RGCC: variants seen among roughly 807,000 people sequenced by gnomAD.
RGCC encodes the protein regulator of cell cycle RGCC.
A neutral mutation model predicts 15.4 loss-of-function variants in RGCC; 15 were observed. The observed-to-expected ratio is 0.97, with a 90% CI of 0.65 to 1.50. RGCC has a LOEUF of 1.50. Among genes scored for constraint, RGCC ranks in the 40% most tolerant of loss-of-function variants. RGCC has a pLI of 0.00. For synonymous variants in RGCC, 81 were observed against 78.0 expected, an observed-to-expected ratio of 1.04 and a Z score of -0.20; for missense variants, 176 against 189.7, an observed-to-expected ratio of 0.93 and a Z score of 0.42.
At chr13:41,469,280 T>G (rs1265439843) in intron 4 of RGCC, among the ~76,000 whole-genome samples, 16 of 112,684 alleles carry the variant, frequency 1.4e-4, no homozygotes, top group Admixed American at 1.2e-3. Flanking sequence ...ATAATAATAA[T>G]AATAATAATA....
intron 3 of RGCC, among the ~76,000 whole-genome samples, chr13:41,467,203 G>A (rs1034079624): frequency 6.6e-6 from 1 of 152,238 alleles, no homozygotes; most frequent in African/African-American, 2.4e-5. Context: ...TCTCTCATGT[G>A]ATGTAATCAA....
intron 2 of RGCC, among the ~76,000 whole-genome samples, chr13:41,460,645 G>A (rs889048260): frequency 6.6e-6 from 1 of 152,198 alleles, no homozygotes; most frequent in African/African-American, 2.4e-5. Flanking sequence ...AGCTTAGATT[G>A]AGCCTTGTCA....
At position 41,457,612 on chromosome 13, in the gene RGCC, G is replaced by T; in HGVS notation, c.-96G>T. 1 of 1,477,598 alleles carries T rather than the reference G, an allele frequency of 6.8e-7. No individual in the cohort carries two copies. Among genetic ancestry groups the T allele is most frequent in the East Asian group, 3.0e-5 (1 of 32,954 alleles). 91.5% of individuals were successfully genotyped at this position (1,477,598 alleles called of 1,614,324 possible). A position where few individuals can be genotyped will look rare whatever the true frequency, so the allele number is the denominator to read the frequency against. On this transcript the variant is annotated 5_prime_UTR_variant, in exon 1 of 5. The change creates a new upstream start codon in the 5' untranslated region. Coordinates refer to ENST00000379359, the MANE Select transcript of RGCC (RefSeq NM_014059.3). This position sits in a 1 kb window ranked among gnomAD's most constrained non-coding sequence, Gnocchi z 4.9. The stretch of plus-strand genomic sequence containing the variant: ...GAGCGCAGCGCCGAAGGGACTGGCA[G>T]GGCTGAAGTGTGCGGGACAGCAAGC...
intron 2 of RGCC, among the ~76,000 whole-genome samples, chr13:41,465,825 A>G (rs2043844152): frequency 6.6e-6 from 1 of 152,176 alleles, no homozygotes; most frequent in Non-Finnish European, 1.5e-5. Flanking sequence ...ATTATAGGAC[A>G]GCAAGAGAGC....
In RGCC at chr13:41,458,313, G is replaced by A; in HGVS notation, c.78G>A (p.Glu26=). 1 of 1,583,018 alleles carries A rather than the reference G, an allele frequency of 6.3e-7. No individual in the cohort carries two copies. The highest frequency in any genetic ancestry group is 8.5e-7 in the Non-Finnish European group (1 of 1,171,632). ...CGGCCCTGGACTCGGCGGCCGCGGA[G>A]GACCTGTCGGACGCGCTGTGCGAGT... The part of the protein sequence containing the change: ...AAPALDSAAA[E]DLSDALCEFD... The change falls in exon 2 of 5, where the codon GAG becomes GAA. Residue 26 remains glutamate (E), a synonymous_variant. Transcript: ENST00000379359. The surrounding 1 kb of genome is among the most constrained non-coding windows in gnomAD (Gnocchi z 4.4).
chr13:41,457,834 C>G lies in RGCC; in HGVS notation c.49+78C>G. 1 of 1,344,672 alleles carries G rather than the reference C, an allele frequency of 7.4e-7. No homozygotes were observed. Among genetic ancestry groups the G allele is most frequent in the South Asian group, 2.1e-5 (1 of 48,660 alleles). 83.3% of individuals were successfully genotyped at this position (1,344,672 alleles called of 1,614,324 possible). On this transcript the variant is annotated intron_variant, in intron 1 of 4. Transcript: ENST00000379359. The surrounding 1 kb of genome is among the most constrained non-coding windows in gnomAD (Gnocchi z 4.9). ...TGAGAAAGGAGGGGCCCCGTGTCGTCCCTTCACACCCCCCACCCTTCCATC... is the reference window on the plus strand; with the variant it reads ...TGAGAAAGGAGGGGCCCCGTGTCGTGCCTTCACACCCCCCACCCTTCCATC...
chr13:41,458,460 C>T lies in RGCC; in HGVS notation c.225C>T (p.Ser75=). The change falls in exon 2 of 5, where the codon AGC becomes AGT. Residue 75 remains serine, a synonymous_variant. Coordinates refer to ENST00000379359, the MANE Select transcript of RGCC (RefSeq NM_014059.3). This position sits in a 1 kb window ranked among gnomAD's most constrained non-coding sequence, Gnocchi z 4.4. ...SASVSDSSGF[S]DSESADSLYR... ...GTGTCAGCGACAGCAGCGGCTTCAG[C>T]GACTCGGAGAGTAAGTGCGGCCCCC... 6.3e-7 allele frequency: 1 copy of T among 1,596,774 alleles called. No homozygotes were observed. Among genetic ancestry groups the T allele is most frequent in the South Asian group, 1.1e-5 (1 of 89,710 alleles).
chr13:41,463,469 CTGTGTG>C lies in RGCC; in HGVS notation c.236-3325_236-3320del, dbSNP rs67077388. Among the ~76,000 whole-genome samples, 205 of 121,184 alleles carry C rather than the reference CTGTGTG, an allele frequency of 1.7e-3. 3 individuals are homozygous for C. The highest frequency in any genetic ancestry group is 5.4e-3 in the African/African-American group (163 of 30,412). 79.5% of individuals were successfully genotyped at this position (121,184 alleles called of 152,430 possible). ...AGCTGGGGCGTGAGCTAATGTGTAT[CTGTGTG>C]TGTGTGTGTGTGTGTGTGTGTGTGT... On this transcript the variant is annotated intron_variant, in intron 2 of 4. Coordinates refer to ENST00000379359, the MANE Select transcript of RGCC (RefSeq NM_014059.3).
intron 4 of RGCC, 85 bp downstream of exon 4, chr13:41,468,923 C>A (rs2043861017): frequency 1.9e-6 from 2 of 1,062,154 alleles, no homozygotes; most frequent in Non-Finnish European, 2.8e-6. Flanking sequence ...AACCAGCTTG[C>A]CCTGGGGCAG....
chr13:41,463,784 T>G (rs9532824), intron 2 of RGCC, among the ~76,000 whole-genome samples: 2 of 152,126 alleles, frequency 1.3e-5, no homozygotes, highest in Admixed American at 6.5e-5. Flanking sequence ...CCAGGCCCCA[T>G]GAGTTATGCT....
Position 41,457,599 on chromosome 13 carries a change from G to T in RGCC, c.-109G>T. ...AGCGGCGCGGCTGGAGCGCAGCGCCGAAGGGACTGGCAGGGCTGAAGTGTG... is the reference window on the plus strand; with the variant it reads ...AGCGGCGCGGCTGGAGCGCAGCGCCTAAGGGACTGGCAGGGCTGAAGTGTG... On this transcript the variant is annotated 5_prime_UTR_variant, in exon 1 of 5. Coordinates refer to ENST00000379359, the MANE Select transcript of RGCC (RefSeq NM_014059.3). This position sits in a 1 kb window ranked among gnomAD's most constrained non-coding sequence, Gnocchi z 4.9. The T allele has an allele frequency of 6.9e-7, 1 of 1,444,348 alleles. No homozygotes were observed. The highest frequency in any genetic ancestry group is 9.1e-7 in the Non-Finnish European group (1 of 1,102,110). 89.5% of individuals were successfully genotyped at this position (1,444,348 alleles called of 1,614,324 possible).
At chr13:41,469,941 G>A (rs1231909020) in intron 4 of RGCC, among the ~76,000 whole-genome samples, 2 of 152,136 alleles carry the variant, frequency 1.3e-5, no homozygotes, top group African/African-American at 4.8e-5. Flanking sequence ...TACTACGGGG[G>A]GTCCTGTTTA....
In RGCC at chr13:41,458,220, G is replaced by A; in HGVS notation, c.50-65G>A. ...TCGGGAACCGTGGCGGCCCCTCCTG[G>A]CCCTGGGAGGTGGTCCCGCTGCCCC... On this transcript the variant is annotated intron_variant, in intron 1 of 4. Coordinates refer to ENST00000379359, the MANE Select transcript of RGCC (RefSeq NM_014059.3). This position sits in a 1 kb window ranked among gnomAD's most constrained non-coding sequence, Gnocchi z 4.4. The A allele has an allele frequency of 3.7e-6, 5 of 1,364,914 alleles. No individual in the cohort carries two copies. The South Asian group carries it at 6.7e-5, about 18-fold the overall frequency. The allele number at this position is 1,364,914 out of a possible 1,614,324, so 84.6% of individuals were successfully genotyped here.
At position 41,460,785 on chromosome 13, in the gene RGCC, C is replaced by T. The variant is rs138192891; in HGVS notation, c.235+2315C>T. On this transcript the variant is annotated intron_variant, in intron 2 of 4. Coordinates refer to ENST00000379359, the MANE Select transcript of RGCC (RefSeq NM_014059.3). Reference sequence around the variant, plus strand: ...TCAAAATATCATTACAATGTACATGCTGTGCTATACCATATAGATACATTG... The same window carrying T: ...TCAAAATATCATTACAATGTACATGTTGTGCTATACCATATAGATACATTG... 7.1e-4 allele frequency among the ~76,000 whole-genome samples: 108 copies of T among 152,332 alleles called. 1 individual carries two copies. The highest frequency in any genetic ancestry group is 2.2e-3 in the African/African-American group (92 of 41,578).
At chr13:41,465,555 A>T (rs2324790) in intron 2 of RGCC, among the ~76,000 whole-genome samples, 2 of 19,554 alleles carry the variant, frequency 1.0e-4, no homozygotes, top group Non-Finnish European at 4.8e-4. Flanking sequence ...CCAGAGATGT[A>T]CTAGCTCAAA....
chr13:41,464,568 C>T (rs874417), intron 2 of RGCC, among the ~76,000 whole-genome samples: 5,522 of 152,184 alleles, frequency 0.036, 120 homozygotes, highest in South Asian at 0.086. Context: ...AGAAGTGTCC[C>T]GTGGTCAGGT....
At chr13:41,463,297 C>T (rs115837403) in intron 2 of RGCC, among the ~76,000 whole-genome samples, 178 of 150,364 alleles carry the variant, frequency 1.2e-3, no homozygotes, top group African/African-American at 4.0e-3. Context: ...TCACAGGGTG[C>T]GCCTCAGCTG....
At chr13:41,469,286 T>TAAGAAGAAGAAGAAG (rs1195617232) in intron 4 of RGCC, among the ~76,000 whole-genome samples, 3 of 113,992 alleles carry the variant, frequency 2.6e-5, no homozygotes, top group African/African-American at 1.0e-4. Flanking sequence ...ATAATAATAA[T>TAAGAAGAAGAAGAAG]AATAATAATA....
intron 2 of RGCC, among the ~76,000 whole-genome samples, chr13:41,465,321 A>T (rs1408555376): frequency 2.6e-5 from 4 of 152,128 alleles, no homozygotes; most frequent in African/African-American, 7.2e-5. Context: ...CCGTGACCTC[A>T]GGGGCCACAT....
Sources: allele counts gnomAD v4.1 joint callset (sites outside exome capture counted in the v4.1 genomes callset), GRCh38; gene constraint gnomAD v4.1.1; non-coding constraint Gnocchi (gnomAD v3.1); transcripts MANE v1.5; gene names NCBI Gene and HGNC (gene_info 2026-07-23, HGNC 2026-07-21).